ADGRB3: variants seen among roughly 807,000 people sequenced by gnomAD.
ADGRB3 encodes the protein adhesion G protein-coupled receptor B3, also known as brain-specific angiogenesis inhibitor 3.
In ADGRB3, 37 loss-of-function variants were observed where a neutral mutation model predicts 193.4. The ratio of observed to expected loss-of-function variants is 0.19; its 90% CI spans 0.15 to 0.25. The LOEUF is 0.25. Among genes scored for constraint, ADGRB3 ranks in the 10% least tolerant of loss-of-function variants. The pLI, the probability that ADGRB3 is intolerant of heterozygous loss-of-function variation, is 1.00. For missense variants in ADGRB3, 1,637 were observed against 1,852.9 expected (o/e 0.88, Z 2.14); for synonymous variants, 690 against 644.2 (o/e 1.07, Z -1.08).
intron 3 of ADGRB3, among the ~76,000 whole-genome samples, chr6:68,856,773 T>C (rs1301441348): frequency 2.6e-5 from 4 of 152,206 alleles, no homozygotes; most frequent in Non-Finnish European, 5.9e-5. Flanking sequence ...AGGAGCTGAA[T>C]GTTAATCCCC....
intron 11 of ADGRB3, among the ~76,000 whole-genome samples, chr6:69,008,992 C>A (rs1769854616): frequency 2.0e-5 from 3 of 151,758 alleles, no homozygotes. Flanking sequence ...AAAAAAGAGG[C>A]AGGAAATTAG....
At chr6:69,325,815 G>A (rs112753875) in intron 21 of ADGRB3, among the ~76,000 whole-genome samples, 45 of 152,282 alleles carry the variant, frequency 3.0e-4, no homozygotes, top group Admixed American at 1.3e-3. Context: ...TCAAGAACAC[G>A]TAAATATTAT....
intron 3 of ADGRB3, among the ~76,000 whole-genome samples, chr6:68,889,857 A>G (rs1766023000): frequency 6.6e-6 from 1 of 152,158 alleles, no homozygotes; most frequent in Admixed American, 6.5e-5. Flanking sequence ...TTTGTTGATA[A>G]CATTTGCAAG....
At chr6:69,324,315 TG>T (rs1407075905) in intron 20 of ADGRB3, among the ~76,000 whole-genome samples, 1 of 152,172 alleles carries the variant, frequency 6.6e-6, no homozygotes, top group Non-Finnish European at 1.5e-5. Flanking sequence ...ATTTTATTTT[TG>T]TACTATGTTA....
At chr6:69,354,955 C>T (rs1209795535) in intron 27 of ADGRB3, among the ~76,000 whole-genome samples, 2 of 152,064 alleles carry the variant, frequency 1.3e-5, no homozygotes, top group Non-Finnish European at 2.9e-5. Flanking sequence ...TCATTTAAAG[C>T]AGGAATTAAA....
intron 20 of ADGRB3, among the ~76,000 whole-genome samples, chr6:69,279,222 ATAG>A (rs66794781): frequency 0.099 from 14,926 of 150,864 alleles, 834 homozygotes; most frequent in African/African-American, 0.11. Context: ...ACTGAACATC[ATAG>A]CTTAACCTAG....
intron 17 of ADGRB3, among the ~76,000 whole-genome samples, chr6:69,213,745 T>C (rs1052782852): frequency 6.6e-6 from 1 of 152,206 alleles, no homozygotes. Flanking sequence ...CCTTAAATCT[T>C]TCTGTAACTG....
chr6:68,989,660 A>G (rs1769176956), intron 10 of ADGRB3, among the ~76,000 whole-genome samples: 1 of 152,168 alleles, frequency 6.6e-6, no homozygotes, highest in South Asian at 2.1e-4. Context: ...GAGAGAGTTA[A>G]ATAATTTTTT....
chr6:68,932,975 AGT>A (rs1393843457), intron 4 of ADGRB3, among the ~76,000 whole-genome samples: 1 of 150,574 alleles, frequency 6.6e-6, no homozygotes, highest in Non-Finnish European at 1.5e-5. Flanking sequence ...TGATAAAGTG[AGT>A]GTGACTTTTT....
chr6:68,725,631 G>C (rs1303330692), intron 3 of ADGRB3, among the ~76,000 whole-genome samples: 2 of 151,570 alleles, frequency 1.3e-5, no homozygotes, highest in African/African-American at 4.8e-5. Flanking sequence ...AACTGTTTTG[G>C]GAGCAGGTGG....
chr6:69,355,134 G>A (rs750036690), intron 27 of ADGRB3, among the ~76,000 whole-genome samples: 2 of 152,026 alleles, frequency 1.3e-5, no homozygotes, highest in African/African-American at 4.8e-5. Context: ...ATATTAATAG[G>A]GAAAGGCATT....
chr6:68,940,991 A>G (rs776025573), intron 5 of ADGRB3, among the ~76,000 whole-genome samples: 9 of 152,218 alleles, frequency 5.9e-5, no homozygotes, highest in African/African-American at 1.2e-4. Context: ...ATGGTTGAAT[A>G]TATTTTGTGT....
chr6:68,909,698 C>G (rs150422926), intron 3 of ADGRB3, among the ~76,000 whole-genome samples: 4 of 152,222 alleles, frequency 2.6e-5, no homozygotes, highest in Middle Eastern at 3.4e-3. Context: ...CAGAGTGGGA[C>G]TTAAATGGTT....
rs558947334 is a variant in ADGRB3, at chr6:68,717,627, A to G, written c.757+78195A>G. The stretch of plus-strand genomic sequence containing the variant: ...AGCACCATTTTTTTTTAAGAATTTC[A>G]TGTACTTCTATTGATTCAAGTGTTC... On this transcript the variant is annotated intron_variant, in intron 3 of 31. Transcript: ENST00000370598. Among the ~76,000 whole-genome samples, 86 of 151,632 alleles carry G rather than the reference A, an allele frequency of 5.7e-4. 1 individual carries two copies. The highest frequency in any genetic ancestry group is 1.7e-3 in the Admixed American group (26 of 15,174).
intron 3 of ADGRB3, among the ~76,000 whole-genome samples, chr6:68,688,594 C>T (rs985549818): frequency 9.2e-5 from 14 of 152,094 alleles, no homozygotes; most frequent in African/African-American, 3.1e-4. Flanking sequence ...ACAGGGATAA[C>T]GTTTTCTTGG....
At position 68,974,860 on chromosome 6, in the gene ADGRB3, C is replaced by T; in HGVS notation, c.1623C>T (p.Ala541=). Reference sequence around the variant, plus strand: ...CATTCAATCAATGTCCCCTGAATGCCACAGGTACAGTAGGATGACCCACCC... The same window carrying T: ...CATTCAATCAATGTCCCCTGAATGCTACAGGTACAGTAGGATGACCCACCC... The part of the protein sequence containing the change: ...DLAFNQCPLN[A]TGTTSRRCSL... Residue 541 remains alanine (A), a synonymous_variant, in exon 9 of 32, where the codon GCC becomes GCT. Coordinates refer to ENST00000370598, the MANE Select transcript of ADGRB3 (RefSeq NM_001704.3). 6.2e-7 allele frequency: 1 copy of T among 1,613,222 alleles called. No homozygotes were observed. Among genetic ancestry groups the T allele is most frequent in the East Asian group, 2.2e-5 (1 of 44,852 alleles).
At chr6:68,827,442 T>G (rs771865499) in intron 3 of ADGRB3, among the ~76,000 whole-genome samples, 1 of 148,732 alleles carries the variant, frequency 6.7e-6, no homozygotes, top group East Asian at 2.0e-4. Context: ...ATAAAAGAGA[T>G]TTTTTTTTTC....
intron 20 of ADGRB3, among the ~76,000 whole-genome samples, chr6:69,318,781 T>A (rs969990815): frequency 6.6e-6 from 1 of 151,082 alleles, no homozygotes; most frequent in Non-Finnish European, 1.5e-5. Context: ...TTATCTCTCA[T>A]AATTTATGTT....
intron 20 of ADGRB3, among the ~76,000 whole-genome samples, chr6:69,311,432 A>G (rs1477080263): frequency 1.3e-5 from 2 of 151,720 alleles, no homozygotes; most frequent in Non-Finnish European, 3.0e-5. Context: ...GAGCTGGTAA[A>G]AATACACGGT....
Sources: gnomAD v4.1 joint callset for allele counts (sites outside exome capture counted in the v4.1 genomes callset) on GRCh38, gnomAD v4.1.1 for gene constraint, MANE v1.5 for transcripts, NCBI Gene and HGNC (gene_info 2026-07-23, HGNC 2026-07-21) for gene names.